PCDH11X: variants seen among roughly 807,000 people sequenced by gnomAD.
PCDH11X encodes protocadherin 11 X-linked, also known as protocadherin-11 X-linked.
PCDH11X carries 18 observed loss-of-function variants against 53.3 expected under a neutral mutation model. The ratio of observed to expected loss-of-function variants is 0.34; its 90% confidence interval spans 0.23 to 0.50. The LOEUF is 0.50. Among genes scored for constraint, PCDH11X ranks in the 20% least tolerant of loss-of-function variants. The pLI, the probability that PCDH11X is intolerant of heterozygous loss-of-function variation, is 0.98. For missense variants in PCDH11X, 570 were observed against 1,032.4 expected (o/e 0.55, Z 6.14); for synonymous variants, 279 against 393.3 (o/e 0.71, Z 3.44).
intron 9 of PCDH11X, among the ~76,000 whole-genome samples, chrX:92,417,605 C>T (rs1280179187): frequency 1.8e-5 from 2 of 111,101 alleles, no homozygotes; most frequent in Non-Finnish European, 3.8e-5. Context: ...TCAGGGAGTC[C>T]TAATACACAT....
At chrX:92,502,506 TACAAGAACAGAC>T (rs887946009) in intron 10 of PCDH11X, among the ~76,000 whole-genome samples, 17 of 110,024 alleles carry the variant, frequency 1.5e-4, no homozygotes, top group African/African-American at 5.3e-4. Context: ...AACATCATGG[TACAAGAACAGAC>T]ACATAGACCA....
chrX:91,851,453 A>G (rs12843407), intron 5 of PCDH11X, among the ~76,000 whole-genome samples: 22,157 of 111,029 alleles, frequency 0.2, 1,854 homozygotes, highest in East Asian at 0.31. Context: ...CCATATTTTT[A>G]GTTGTTCTTC....
intron 10 of PCDH11X, among the ~76,000 whole-genome samples, chrX:92,507,470 C>G (rs1444288583): frequency 2.7e-5 from 3 of 111,279 alleles, no homozygotes; most frequent in Non-Finnish European, 5.7e-5. Flanking sequence ...CCGGTTTATC[C>G]TTGCTACTGT....
At chrX:91,898,606 G>A (rs1940837980) in intron 6 of PCDH11X, among the ~76,000 whole-genome samples, 1 of 106,066 alleles carries the variant, frequency 9.4e-6, no homozygotes, top group Non-Finnish European at 1.9e-5. Context: ...ATGAAGATAA[G>A]AGTCAGAATG....
chrX:91,984,476 T>C (rs1233626056), intron 6 of PCDH11X, among the ~76,000 whole-genome samples: 1 of 104,258 alleles, frequency 9.6e-6, no homozygotes, highest in Non-Finnish European at 2.0e-5. Context: ...GTTGACTCTT[T>C]TCTACGGCAA....
At chrX:91,932,115 A>T (rs1397105133) in intron 6 of PCDH11X, among the ~76,000 whole-genome samples, 1 of 110,590 alleles carries the variant, frequency 9.0e-6, no homozygotes, top group Non-Finnish European at 1.9e-5. Flanking sequence ...TTTGCGGAGG[A>T]TAACGGCTTC....
chrX:92,177,214 G>A lies in PCDH11X; in HGVS notation c.3034-24161G>A, dbSNP rs577129562. The stretch of plus-strand genomic sequence containing the variant: ...GCTGGTCTTGAACTCCTGACCTCAA[G>A]CAATCTGCCTGCCTTGGCTTCCCAA... On this transcript the variant is annotated intron_variant, in intron 6 of 10. Transcript: ENST00000682573. Among the ~76,000 whole-genome samples the A allele has an allele frequency of 5.4e-5, 6 of 110,472 alleles. No homozygotes were observed. In the South Asian group the frequency reaches 2.3e-3, roughly 43 times the overall value.
intron 9 of PCDH11X, among the ~76,000 whole-genome samples, chrX:92,458,009 T>C (rs2072943197): frequency 9.1e-6 from 1 of 110,491 alleles, no homozygotes; most frequent in Non-Finnish European, 1.9e-5. Flanking sequence ...GTAAATAATA[T>C]AGTATTAATA....
rs190007000 is a variant in PCDH11X, at chrX:92,319,163, T to A, written c.3144+56020T>A. ...TAATTAGATATCTTAGATAACCACC[T>A]GGATTTTCTTTCCTTTTGTTCATGT... On this transcript the variant is annotated intron_variant, in intron 8 of 10. Coordinates refer to ENST00000682573, the MANE Select transcript of PCDH11X (RefSeq NM_032968.5). Among the ~76,000 whole-genome samples the A allele has an allele frequency of 5.4e-5, 6 of 111,818 alleles. No individual in the cohort carries two copies. The East Asian group carries it at 1.7e-3, about 32-fold the overall frequency.
chrX:91,948,644 G>A (rs1284718543), intron 6 of PCDH11X, among the ~76,000 whole-genome samples: 3 of 109,635 alleles, frequency 2.7e-5, no homozygotes, highest in East Asian at 5.9e-4. Flanking sequence ...AGGTGAGGAA[G>A]GTCCTAAGGA....
chrX:92,157,212 A>G (rs770309442), intron 6 of PCDH11X, among the ~76,000 whole-genome samples: 125 of 111,486 alleles, frequency 1.1e-3, no homozygotes, highest in African/African-American at 3.9e-3. Context: ...GGCTTTTATG[A>G]ACGTCTGAAT....
At chrX:91,813,661 T>G (rs1437680034) in intron 4 of PCDH11X, among the ~76,000 whole-genome samples, 1 of 105,173 alleles carries the variant, frequency 9.5e-6, no homozygotes, top group Non-Finnish European at 1.9e-5. Flanking sequence ...TTGTTGTTGT[T>G]GTTATCGGTT....
chrX:92,400,890 G>A (rs1011297175), intron 9 of PCDH11X, among the ~76,000 whole-genome samples: 2 of 107,978 alleles, frequency 1.9e-5, no homozygotes, highest in East Asian at 3.0e-4. Flanking sequence ...AGATGCTTAA[G>A]GAAATTGTAG....
chrX:92,447,672 G>C (rs1171991485), intron 9 of PCDH11X, among the ~76,000 whole-genome samples: 1 of 112,713 alleles, frequency 8.9e-6, no homozygotes, highest in Non-Finnish European at 1.9e-5. Flanking sequence ...GGAAATGTGA[G>C]GTCGGAGCCT....
intron 10 of PCDH11X, among the ~76,000 whole-genome samples, chrX:92,494,864 C>A (rs1305193002): frequency 2.2e-5 from 2 of 91,916 alleles, no homozygotes; most frequent in Non-Finnish European, 4.3e-5. Context: ...CTACAGGGTG[C>A]CATTCTACTG....
chrX:92,184,398 C>T (rs2066054258), intron 6 of PCDH11X, among the ~76,000 whole-genome samples: 1 of 111,746 alleles, frequency 8.9e-6, no homozygotes, highest in African/African-American at 3.3e-5. Context: ...TTAAAATGAC[C>T]ATACTACCCA....
At chrX:92,347,380 T>C (rs1318154148) in intron 8 of PCDH11X, among the ~76,000 whole-genome samples, 17 of 111,925 alleles carry the variant, frequency 1.5e-4, no homozygotes, top group African/African-American at 5.5e-4. Flanking sequence ...TAAAGAAGAC[T>C]TTTTTTCTCC....
chrX:91,973,362 G>A (rs1328034348), intron 6 of PCDH11X, among the ~76,000 whole-genome samples: 101 of 101,573 alleles, frequency 9.9e-4, no homozygotes, highest in African/African-American at 3.2e-3. Flanking sequence ...TGGGTGCAGC[G>A]CACCAGCATG....
intron 6 of PCDH11X, among the ~76,000 whole-genome samples, chrX:92,156,156 A>AAC (rs1371763908): frequency 1.9e-5 from 2 of 107,879 alleles, no homozygotes; most frequent in African/African-American, 6.9e-5. Flanking sequence ...TAAAGAGACC[A>AAC]TAGGATTGAT....
Sources: allele counts gnomAD v4.1 joint callset (sites outside exome capture counted in the v4.1 genomes callset), GRCh38; gene constraint gnomAD v4.1.1; transcripts MANE v1.5; gene names NCBI Gene and HGNC (gene_info 2026-07-23, HGNC 2026-07-21).